The following GLI3 variants were observed in gnomAD, a reference collection of about 807,000 sequenced individuals.
GLI3 encodes the protein GLI family zinc finger 3, also known as transcription activator GLI3.
GLI3 carries 20 observed loss-of-function variants against 100.8 expected under a neutral mutation model. The ratio of observed to expected loss-of-function variants is 0.20; its 90% CI spans 0.14 to 0.29. The LOEUF (loss-of-function observed/expected upper bound fraction) is 0.29, where lower values mean the gene tolerates loss of function less well. Ranked by LOEUF, GLI3 falls within the 10% of genes least tolerant of loss-of-function variation. The pLI, the probability that GLI3 is intolerant of heterozygous loss-of-function variation, is 1.00. For synonymous variants in GLI3, 938 were observed against 860.5 expected (o/e 1.09, Z -1.58); for missense variants, 2,040 against 2,128.5 (o/e 0.96, Z 0.82).
intron 14 of GLI3, 66 bp downstream of exon 14, chr7:41,967,530 G>C: frequency 9.4e-7 from 1 of 1,065,600 alleles, no homozygotes. Flanking sequence ...ATAAAACTGA[G>C]GGCCTGCATT....
chr7:42,081,704 A>G (rs1281908594), intron 3 of GLI3, among the ~76,000 whole-genome samples: 1 of 152,198 alleles, frequency 6.6e-6, no homozygotes, highest in South Asian at 2.1e-4. Flanking sequence ...TCCTCAGGCT[A>G]TAAGATCTCT....
chr7:41,989,502 A>AT (rs1787924845), intron 10 of GLI3, among the ~76,000 whole-genome samples: 1 of 152,174 alleles, frequency 6.6e-6, no homozygotes, highest in South Asian at 2.1e-4. Flanking sequence ...GATCAAATGA[A>AT]TTTGTCACTC....
intron 3 of GLI3, among the ~76,000 whole-genome samples, chr7:42,105,706 T>C (rs1224314182): frequency 6.6e-6 from 1 of 152,180 alleles, no homozygotes; most frequent in Admixed American, 6.5e-5. Context: ...GTGTGAATCC[T>C]CCCACTTAGG....
intron 3 of GLI3, among the ~76,000 whole-genome samples, chr7:42,102,518 C>A (rs578217511): frequency 6.6e-5 from 10 of 152,350 alleles, no homozygotes; most frequent in African/African-American, 2.2e-4. Context: ...GAATCAGTTT[C>A]TGTTGCATGT....
At chr7:42,001,143 G>T (rs1342483456) in intron 10 of GLI3, among the ~76,000 whole-genome samples, 3 of 150,266 alleles carry the variant, frequency 2.0e-5, no homozygotes, top group Non-Finnish European at 4.4e-5. Context: ...TACGCAGGAG[G>T]CTGAGGCAGG....
chr7:42,188,590 A>G (rs1200851040), intron 2 of GLI3, among the ~76,000 whole-genome samples: 3 of 152,224 alleles, frequency 2.0e-5, no homozygotes, highest in Non-Finnish European at 4.4e-5. Context: ...AATTGCCAAA[A>G]CTTGGAAACA....
intron 10 of GLI3, among the ~76,000 whole-genome samples, chr7:41,990,106 G>A (rs1222753530): frequency 1.4e-5 from 2 of 145,340 alleles, no homozygotes; most frequent in African/African-American, 2.5e-5. Flanking sequence ...TAACTGTAGG[G>A]TGATTAATGC....
In GLI3 at chr7:42,158,962, G is replaced by C. The variant is rs1787068798; in HGVS notation, c.125-10494C>G. ...AATTTCTCATTCTACTTCTGTTGTC[G>C]CTGTTGTTACTTTTGTCAAGCTCAG... On this transcript the variant is annotated intron_variant, in intron 2 of 14. Transcript: ENST00000395925. Among the ~76,000 whole-genome samples the C allele has an allele frequency of 2.6e-5, 4 of 152,242 alleles. 1 individual carries two copies. The South Asian group carries it at 8.3e-4, about 32-fold the overall frequency.
At chr7:42,042,686 T>A (rs1414535918) in intron 6 of GLI3, among the ~76,000 whole-genome samples, 2 of 152,184 alleles carry the variant, frequency 1.3e-5, no homozygotes, top group African/African-American at 2.4e-5. Flanking sequence ...CACTCTCACA[T>A]CCTCCAAAGA....
rs1322468156 is a variant in GLI3 at position 42,191,026 on chromosome 7, AT to A, written c.124+32103del. 5.3e-5 allele frequency among the ~76,000 whole-genome samples: 8 copies of A among 152,270 alleles called. No homozygotes were observed. The East Asian group carries it at 7.7e-4, about 15-fold the overall frequency. On this transcript the variant is annotated intron_variant, in intron 2 of 14. Coordinates refer to ENST00000395925, the MANE Select transcript of GLI3 (RefSeq NM_000168.6). ...ACATTTCCTTAACCTGATAAAAAAA[AT>A]AATATTAAAGTAACAGCCAAGATAG...
chr7:42,171,313 T>A (rs947839601), intron 2 of GLI3, among the ~76,000 whole-genome samples: 1 of 152,222 alleles, frequency 6.6e-6, no homozygotes, highest in South Asian at 2.1e-4. Flanking sequence ...CAGGATTTTT[T>A]AAAAAACTTT....
At chr7:42,119,656 A>G (rs1785947958) in intron 3 of GLI3, among the ~76,000 whole-genome samples, 1 of 152,222 alleles carries the variant, frequency 6.6e-6, no homozygotes, top group Admixed American at 6.5e-5. Context: ...ATAGAAAAAT[A>G]CAGTCACTTT....
rs557161920 is a variant in GLI3 at position 42,220,053 on chromosome 7, C to T, written c.124+3077G>A. On this transcript the variant is annotated intron_variant, in intron 2 of 14. Transcript: ENST00000395925. ...ATTTTTAGTAGAGACGGGGTTTCACCGCGTTAGCCAGGATGGTCTCGATCT... is the reference window on the plus strand; with the variant it reads ...ATTTTTAGTAGAGACGGGGTTTCACTGCGTTAGCCAGGATGGTCTCGATCT... Among the ~76,000 whole-genome samples, 97 of 152,112 alleles carry T rather than the reference C, an allele frequency of 6.4e-4. No individual in the cohort carries two copies. The East Asian group carries it at 7.4e-3, about 12-fold the overall frequency.
At chr7:42,093,973 G>T (rs984695861) in intron 3 of GLI3, among the ~76,000 whole-genome samples, 1 of 152,006 alleles carries the variant, frequency 6.6e-6, no homozygotes, top group African/African-American at 2.4e-5. Context: ...ACCAAAAATT[G>T]ACTTTCATTC....
chr7:42,079,444 G>C (rs968476449), intron 3 of GLI3, among the ~76,000 whole-genome samples: 3 of 152,170 alleles, frequency 2.0e-5, no homozygotes, highest in African/African-American at 7.2e-5. Context: ...ATCCGGGTGA[G>C]GGTGGATGGC....
At chr7:42,257,642 C>G (rs1789098945) in intron 1 of GLI3, among the ~76,000 whole-genome samples, 1 of 152,154 alleles carries the variant, frequency 6.6e-6, no homozygotes, top group East Asian at 1.9e-4. Context: ...CCGTGCACGT[C>G]CCATTCAGTC....
chr7:42,249,719 C>T (rs1789011901), intron 1 of GLI3, among the ~76,000 whole-genome samples: 2 of 152,110 alleles, frequency 1.3e-5, no homozygotes, highest in Admixed American at 1.3e-4. Context: ...TCTCTTCCCT[C>T]CCTTTTCCTT....
intron 10 of GLI3, among the ~76,000 whole-genome samples, chr7:41,987,095 GACACAGACAC>G (rs1159379882): frequency 4.1e-5 from 3 of 73,254 alleles, no homozygotes; most frequent in South Asian, 4.9e-4. Flanking sequence ...CACAGACACA[GACACAGACAC>G]ACACACACAC....
Position 41,972,266 on chromosome 7 carries a change from C to T in GLI3, c.2103+71G>A. The T allele has an allele frequency of 7.1e-7, 1 of 1,409,178 alleles. No individual in the cohort carries two copies. The highest frequency in any genetic ancestry group is 1.2e-5 in the South Asian group (1 of 86,700). 87.3% of individuals were successfully genotyped at this position (1,409,178 alleles called of 1,614,324 possible). A position where few individuals can be genotyped will look rare whatever the true frequency, so the allele number is the denominator to read the frequency against. On this transcript the variant is annotated intron_variant, in intron 13 of 14. Transcript: ENST00000395925. This position sits in a 1 kb window ranked among gnomAD's most constrained non-coding sequence, Gnocchi z 4.4. ...CACAGTGAGGACCGGGAAGTCCTGT[C>T]CCTCTATGCACCCTACCTGGCTCTT...
Sources: allele counts gnomAD v4.1 joint callset (sites outside exome capture counted in the v4.1 genomes callset), GRCh38; gene constraint gnomAD v4.1.1; non-coding constraint Gnocchi (gnomAD v3.1); transcripts MANE v1.5; gene names NCBI Gene and HGNC (gene_info 2026-07-23, HGNC 2026-07-21).